PPARGC1A: variants seen among roughly 807,000 people sequenced by gnomAD.
PPARGC1A encodes PPARG coactivator 1 alpha.
A neutral mutation model predicts 88.7 loss-of-function variants in PPARGC1A; 25 were observed. That is an observed-to-expected ratio of 0.28 (90% CI 0.21 to 0.39). PPARGC1A has a LOEUF of 0.39. Among genes scored for constraint, PPARGC1A ranks in the 10% least tolerant of loss-of-function variants. The pLI is 1.00. For synonymous variants in PPARGC1A, 363 were observed against 355.6 expected (o/e 1.02, Z -0.24); for missense variants, 880 against 968.7 (o/e 0.91, Z 1.22).
At chr4:24,148,584 A>C in the PPARGC1A span, among the ~76,000 whole-genome samples, 1 of 152,206 alleles carries the variant, frequency 6.6e-6, no homozygotes, top group Non-Finnish European at 1.5e-5. Flanking sequence ...GATGAAAAGA[A>C]ACTAGCACAT....
the PPARGC1A span, among the ~76,000 whole-genome samples, chr4:24,460,883 G>T: frequency 6.6e-6 from 1 of 152,134 alleles, no homozygotes; most frequent in Non-Finnish European, 1.5e-5. Context: ...CTTCATCTTT[G>T]ATTTACTAAT....
At chr4:24,471,162 T>G in the PPARGC1A span, among the ~76,000 whole-genome samples, 2 of 151,358 alleles carry the variant, frequency 1.3e-5, no homozygotes, top group Admixed American at 1.3e-4. This position sits in a 1 kb window ranked among gnomAD's most constrained non-coding sequence, Gnocchi z 5.4. Flanking sequence ...CCCCCACCCC[T>G]AGCGGGCCAG....
At chr4:24,090,872 T>C in the PPARGC1A span, among the ~76,000 whole-genome samples, 5 of 152,358 alleles carry the variant, frequency 3.3e-5, no homozygotes, top group African/African-American at 7.2e-5. Context: ...GAAATAGGTA[T>C]TGTAACGTAT....
At chr4:24,118,409 T>C in the PPARGC1A span, among the ~76,000 whole-genome samples, 1 of 151,704 alleles carries the variant, frequency 6.6e-6, no homozygotes, top group Non-Finnish European at 1.5e-5. Context: ...CCTTGTGGAG[T>C]TTTCCTGGCC....
the PPARGC1A span, among the ~76,000 whole-genome samples, chr4:24,206,310 T>C: frequency 3.9e-4 from 60 of 152,314 alleles, no homozygotes; most frequent in African/African-American, 1.4e-3. Flanking sequence ...TCTTCAGTTA[T>C]GTGTAACAAA....
chr4:24,023,339 T>C, the PPARGC1A span, among the ~76,000 whole-genome samples: 1 of 152,084 alleles, frequency 6.6e-6, no homozygotes, highest in African/African-American at 2.4e-5. Flanking sequence ...ATATCTCACA[T>C]ATATGAAAGT....
At chr4:24,267,769 T>C in the PPARGC1A span, among the ~76,000 whole-genome samples, 3 of 152,300 alleles carry the variant, frequency 2.0e-5, no homozygotes, top group African/African-American at 7.2e-5. Context: ...AGCCACAAAG[T>C]AGACCAAGAA....
At chr4:24,043,849 TTTTG>T in the PPARGC1A span, among the ~76,000 whole-genome samples, 14 of 152,120 alleles carry the variant, frequency 9.2e-5, no homozygotes, top group African/African-American at 2.7e-4. Flanking sequence ...TTGAATAGAA[TTTTG>T]TTTATTTTTT....
chr4:23,910,369 T>TA, the PPARGC1A span, among the ~76,000 whole-genome samples: 1 of 105,280 alleles, frequency 9.5e-6, no homozygotes, highest in Admixed American at 1.5e-4. Flanking sequence ...ATATATATTA[T>TA]ATTATATTAT....
intron 7 of PPARGC1A, among the ~76,000 whole-genome samples, chr4:23,818,663 A>G (rs1373049269): frequency 6.6e-6 from 1 of 151,730 alleles, no homozygotes. Flanking sequence ...CTTTTTAAAC[A>G]GCCCTTTTAT....
chr4:23,812,232 C>T (rs1034419154), intron 10 of PPARGC1A, among the ~76,000 whole-genome samples: 3 of 152,022 alleles, frequency 2.0e-5, no homozygotes, highest in African/African-American at 7.2e-5. Context: ...CATGAGCCAT[C>T]GTGCCTGGCC....
At chr4:23,825,585 T>C (rs1342136258) in intron 5 of PPARGC1A, among the ~76,000 whole-genome samples, 2 of 152,128 alleles carry the variant, frequency 1.3e-5, no homozygotes, top group Non-Finnish European at 2.9e-5. Flanking sequence ...CTTTATCCTA[T>C]TGTCAAAAGA....
the PPARGC1A span, among the ~76,000 whole-genome samples, chr4:24,218,071 G>A: frequency 6.6e-6 from 1 of 152,220 alleles, no homozygotes; most frequent in African/African-American, 2.4e-5. Flanking sequence ...GAGAATGCTG[G>A]CGCAATTCAT....
the PPARGC1A span, among the ~76,000 whole-genome samples, chr4:24,348,035 A>C: frequency 6.6e-6 from 1 of 152,190 alleles, no homozygotes; most frequent in African/African-American, 2.4e-5. Context: ...TGTTTGTCTG[A>C]AAACAACTGT....
chr4:24,184,675 C>G, the PPARGC1A span, among the ~76,000 whole-genome samples: 1 of 152,190 alleles, frequency 6.6e-6, no homozygotes, highest in Admixed American at 6.5e-5. Context: ...GGCAGTCTCT[C>G]CTCCTCACGT....
the PPARGC1A span, among the ~76,000 whole-genome samples, chr4:24,003,405 A>T: frequency 1.3e-5 from 2 of 152,208 alleles, no homozygotes; most frequent in Non-Finnish European, 2.9e-5. Flanking sequence ...GAATAGATGA[A>T]ATAATAGAAT....
intron 2 of PPARGC1A, among the ~76,000 whole-genome samples, chr4:23,857,373 G>GTGTGTGT (rs148212399): frequency 0.076 from 7,905 of 104,340 alleles, 502 homozygotes; most frequent in African/African-American, 0.23. Flanking sequence ...GTGTGTGTGT[G>GTGTGTGT]ACACACACAC....
upstream of PPARGC1A, among the ~76,000 whole-genome samples, chr4:23,892,101 C>G (rs1460903970): frequency 6.6e-6 from 1 of 152,116 alleles, no homozygotes. Context: ...TTTTTAAAAC[C>G]TATTCACATC....
At chr4:23,906,607 CAAAAAAAAAA>C (rs35171233), upstream of PPARGC1A, among the ~76,000 whole-genome samples, 1 of 63,728 alleles carries the variant, frequency 1.6e-5, no homozygotes, top group Non-Finnish European at 3.9e-5. Context: ...CTCTGTCTCA[CAAAAAAAAAA>C]AAAAAAAAAA....
Sources: gnomAD v4.1 joint callset for allele counts (sites outside exome capture counted in the v4.1 genomes callset) on GRCh38, gnomAD v4.1.1 for gene constraint, Gnocchi (gnomAD v3.1) non-coding constraint, MANE v1.5 for transcripts, NCBI Gene and HGNC (gene_info 2026-07-23, HGNC 2026-07-21) for gene names.